Variants in SYNE1 observed in about 807,000 individuals in gnomAD.
SYNE1 encodes the protein spectrin repeat containing nuclear envelope protein 1, also known as nesprin-1.
A neutral mutation model predicts 1,111.0 loss-of-function variants in SYNE1; 616 were observed. That is an observed-to-expected ratio of 0.55 (90% CI 0.52 to 0.59). The LOEUF (loss-of-function observed/expected upper bound fraction) is 0.59, where lower values mean the gene tolerates loss of function less well. SYNE1 is among the 20% of genes least tolerant of loss of function. The pLI is 0.00. For synonymous variants in SYNE1, 3,855 were observed against 3,825.8 expected (o/e 1.01, Z -0.28); for missense variants, 10,006 against 10,417.0 (o/e 0.96, Z 1.72).
Position 152,231,378 on chromosome 6 carries a change from G to A in SYNE1, c.21039+13C>T, listed in dbSNP as rs2082718093. ...TTCATGTAAATCTGGACAGTGGGAA[G>A]CCACTGGCTTACCTTCTCAGTTACT... On this transcript the variant is annotated intron_variant, in intron 114 of 145. Transcript: ENST00000367255. 1 of 1,613,810 alleles carries A rather than the reference G, an allele frequency of 6.2e-7. No homozygotes were observed. Among genetic ancestry groups the A allele is most frequent in the Non-Finnish European group, 8.5e-7 (1 of 1,179,938 alleles).
chr6:152,267,985 T>C (rs1193162475), intron 100 of SYNE1, 71 bp downstream of exon 100: 1 of 1,357,626 alleles, frequency 7.4e-7, no homozygotes, highest in Non-Finnish European at 1.1e-6. Flanking sequence ...AAATTTTGAG[T>C]GAGATGTTTA....
intron 130 of SYNE1, among the ~76,000 whole-genome samples, chr6:152,170,970 G>A (rs974488575): frequency 5.9e-5 from 9 of 152,110 alleles, no homozygotes; most frequent in African/African-American, 1.2e-4. Context: ...ATTTTATAAG[G>A]GGTTTCCCCT....
In SYNE1 at chr6:152,465,996, T is replaced by C. The variant is rs1192063694; in HGVS notation, c.1715A>G (p.Lys572Arg). ...GTATGTTTTACCTGAACCATCTGCTTTGACATACATCTCAGCTGTCTGTTT... is the reference window on the plus strand; with the variant it reads ...GTATGTTTTACCTGAACCATCTGCTCTGACATACATCTCAGCTGTCTGTTT... ...ILKQTAEMYV[K>R]ADGSVEEAEN... is the part of the protein sequence containing the mutation. Residue 572 changes from lysine (K) to arginine (R), a missense_variant, in exon 17 of 146, where the codon AAA becomes AGA. Lys to Arg is a conservative substitution (Grantham distance 26). This residue lies in a region of SYNE1 where 1,971 missense variants were observed against 2,084.1 expected (regional missense o/e 0.95). Transcript: ENST00000367255. 1.9e-6 allele frequency: 3 copies of C among 1,612,144 alleles called. No homozygotes were observed. Among genetic ancestry groups the C allele is most frequent in the Non-Finnish European group, 1.7e-6 (2 of 1,178,434 alleles).
At chr6:152,351,192 G>A (rs1293275645) in intron 70 of SYNE1, among the ~76,000 whole-genome samples, 1 of 152,220 alleles carries the variant, frequency 6.6e-6, no homozygotes, top group African/African-American at 2.4e-5. Flanking sequence ...TGACCTTGCT[G>A]AGATAGGCTA....
intron 126 of SYNE1, among the ~76,000 whole-genome samples, chr6:152,203,190 T>C (rs1198967542): frequency 6.6e-6 from 1 of 152,242 alleles, no homozygotes; most frequent in Non-Finnish European, 1.5e-5. Context: ...CATTTTTTAC[T>C]CTGTATAGTT....
intron 87 of SYNE1, among the ~76,000 whole-genome samples, chr6:152,313,195 T>C (rs1017030066): frequency 6.6e-6 from 1 of 152,220 alleles, no homozygotes; most frequent in Non-Finnish European, 1.5e-5. Flanking sequence ...TTTTTAAATA[T>C]AGATCCAAGA....
At chr6:152,435,579 T>G (rs1376420845) in intron 33 of SYNE1, 2 of 259,046 alleles carry the variant, frequency 7.7e-6, no homozygotes, top group East Asian at 1.5e-4. Context: ...AAATATCTCC[T>G]TTTCGCTCTA....
At chr6:152,439,507 G>T (rs1324194958) in intron 32 of SYNE1, among the ~76,000 whole-genome samples, 1 of 152,084 alleles carries the variant, frequency 6.6e-6, no homozygotes, top group Non-Finnish European at 1.5e-5. Flanking sequence ...AGGATTACAG[G>T]CATGAGCCAT....
chr6:152,262,246 G>C (rs2092105672), intron 100 of SYNE1, 58 bp from the exon 101 acceptor site: 1 of 1,494,096 alleles, frequency 6.7e-7, no homozygotes, highest in African/African-American at 1.4e-5. Context: ...GATAAGACAG[G>C]TAACTTATTG....
intron 121 of SYNE1, among the ~76,000 whole-genome samples, 190 bp from the exon 122 acceptor site, chr6:152,215,250 ACTG>A (rs1220433614): frequency 1.3e-5 from 2 of 152,084 alleles, no homozygotes; most frequent in East Asian, 3.8e-4. Context: ...TTCAGTCTAA[ACTG>A]CTGCTGCTGC....
chr6:152,466,863 C>T (rs546378173), intron 16 of SYNE1, among the ~76,000 whole-genome samples: 8 of 151,938 alleles, frequency 5.3e-5, no homozygotes, highest in East Asian at 1.9e-4. Flanking sequence ...TAATTTCTTG[C>T]GATAGTATAA....
At chr6:152,362,069 T>G in intron 64 of SYNE1, 101 bp downstream of exon 64, 1 of 1,511,996 alleles carries the variant, frequency 6.6e-7, no homozygotes, top group East Asian at 2.3e-5. Flanking sequence ...AATTTGCTTA[T>G]GTGCACTGCC....
chr6:152,517,231 TTG>T (rs888602680), intron 6 of SYNE1, among the ~76,000 whole-genome samples: 1 of 152,230 alleles, frequency 6.6e-6, no homozygotes, highest in African/African-American at 2.4e-5. Flanking sequence ...AATTATGCAT[TTG>T]TAATCTAATT....
chr6:152,143,020 G>C (rs1380414868), intron 138 of SYNE1, among the ~76,000 whole-genome samples: 1 of 152,162 alleles, frequency 6.6e-6, no homozygotes, highest in African/African-American at 2.4e-5. Context: ...AAATTAACTG[G>C]TCAGTAACTC....
At chr6:152,264,642 A>T (rs2092486966) in intron 100 of SYNE1, among the ~76,000 whole-genome samples, 1 of 151,928 alleles carries the variant, frequency 6.6e-6, no homozygotes, top group African/African-American at 2.4e-5. Flanking sequence ...ACAAAAAAAA[A>T]TTCAAAAATT....
intron 39 of SYNE1, 89 bp from the exon 40 acceptor site, chr6:152,419,811 G>A (rs1592311380): frequency 7.1e-7 from 1 of 1,405,460 alleles, no homozygotes; most frequent in Non-Finnish European, 1.0e-6. Flanking sequence ...TTACCCAAGG[G>A]CAAAAGCAAT....
chr6:152,132,283 G>C, intron 143 of SYNE1, 69 bp from the exon 144 acceptor site: 1 of 1,271,394 alleles, frequency 7.9e-7, no homozygotes, highest in Non-Finnish European at 1.2e-6. Context: ...GTTGCACCAC[G>C]TTATCTCCCA....
At chr6:152,519,862 T>C (rs1440393339) in intron 6 of SYNE1, among the ~76,000 whole-genome samples, 4 of 152,178 alleles carry the variant, frequency 2.6e-5, no homozygotes, top group Admixed American at 6.5e-5. Flanking sequence ...ATAAGACATA[T>C]CAGCACCCTA....
At chr6:152,371,890 A>AGGAC (rs1563460812) in intron 59 of SYNE1, among the ~76,000 whole-genome samples, 14 of 105,814 alleles carry the variant, frequency 1.3e-4, no homozygotes, top group African/African-American at 5.4e-4. Context: ...AAGGAAAGGA[A>AGGAC]AGGAAAGGAA....
Sources: allele counts gnomAD v4.1 joint callset (sites outside exome capture counted in the v4.1 genomes callset), GRCh38; gene constraint gnomAD v4.1.1; regional missense constraint gnomAD v4.1.1; transcripts MANE v1.5; gene names NCBI Gene and HGNC (gene_info 2026-07-23, HGNC 2026-07-21).